Variants in CPEB3 observed in about 807,000 individuals in gnomAD.
CPEB3 encodes the protein cytoplasmic polyadenylation element-binding protein 3.
A neutral mutation model predicts 67.2 loss-of-function variants in CPEB3; 20 were observed. The observed-to-expected ratio is 0.30, with a 90% confidence interval of 0.21 to 0.43. CPEB3 has a LOEUF of 0.43. CPEB3 is among the 20% of genes least tolerant of loss of function. The probability of loss-of-function intolerance (pLI) is 1.00; values close to 1 mark genes in which losing one functional copy is unlikely to be tolerated. For synonymous variants in CPEB3, 376 were observed against 393.1 expected (o/e 0.96, Z 0.51); for missense variants, 746 against 968.6 (o/e 0.77, Z 3.05).
intron 9 of CPEB3, among the ~76,000 whole-genome samples, chr10:92,060,394 G>C (rs1214684909): frequency 2.0e-5 from 3 of 151,992 alleles, no homozygotes. Flanking sequence ...TTAAATCTAA[G>C]ACCTCAAACT....
rs1208251071 is a variant in CPEB3 at position 92,205,377 on chromosome 10, G to A, written c.1006-12741C>T. ...ACCCTGTGCTGATGAGTATCTCATTGGATTACCTCATTTAATTTTTATAAC... is the reference window on the plus strand; with the variant it reads ...ACCCTGTGCTGATGAGTATCTCATTAGATTACCTCATTTAATTTTTATAAC... On this transcript the variant is annotated intron_variant, in intron 2 of 9. Transcript: ENST00000265997. Among the ~76,000 whole-genome samples the A allele has an allele frequency of 2.6e-5, 4 of 151,574 alleles. No individual in the cohort carries two copies. The East Asian group carries it at 7.8e-4, about 29-fold the overall frequency.
At chr10:92,147,531 A>G (rs1298482152) in intron 4 of CPEB3, among the ~76,000 whole-genome samples, 1 of 152,190 alleles carries the variant, frequency 6.6e-6, no homozygotes, top group Non-Finnish European at 1.5e-5. Context: ...CTCAGTGGAA[A>G]ACACTTGAGG....
At chr10:92,218,077 G>A (rs1415064395) in intron 2 of CPEB3, among the ~76,000 whole-genome samples, 2 of 152,086 alleles carry the variant, frequency 1.3e-5, no homozygotes, top group Admixed American at 6.5e-5. Flanking sequence ...ACATCAGTAC[G>A]CTGCAGCCTG....
At chr10:92,091,620 G>A (rs1472637650) in intron 8 of CPEB3, among the ~76,000 whole-genome samples, 1 of 152,186 alleles carries the variant, frequency 6.6e-6, no homozygotes, top group African/African-American at 2.4e-5. Flanking sequence ...CAACATAACT[G>A]TTTAATGAAA....
intron 2 of CPEB3, chr10:92,216,852 G>A: frequency 1.3e-6 from 2 of 1,512,850 alleles, no homozygotes; most frequent in Non-Finnish European, 1.8e-6. Flanking sequence ...ACGGCAGGAC[G>A]ACTGGCTGTC....
intron 1 of CPEB3, among the ~76,000 whole-genome samples, chr10:92,245,119 C>T (rs1160177095): frequency 3.3e-5 from 5 of 151,052 alleles, no homozygotes; most frequent in Non-Finnish European, 5.9e-5. Context: ...CAAACAAAAA[C>T]CTAAGAAAAG....
intron 6 of CPEB3, among the ~76,000 whole-genome samples, chr10:92,118,443 T>C (rs935266761): frequency 6.6e-6 from 1 of 152,202 alleles, no homozygotes; most frequent in African/African-American, 2.4e-5. Context: ...GACATTGTTT[T>C]AATAGCAGTA....
intron 9 of CPEB3, among the ~76,000 whole-genome samples, chr10:92,076,523 G>C (rs1374394809): frequency 6.6e-6 from 1 of 152,048 alleles, no homozygotes; most frequent in Non-Finnish European, 1.5e-5. Flanking sequence ...TCCCTCCTCA[G>C]CCTCTCCCTA....
At chr10:92,219,093 TCATGCCCCAAGAGATTAAAAGATTCG>T (rs1361246600) in intron 2 of CPEB3, among the ~76,000 whole-genome samples, 1 of 152,186 alleles carries the variant, frequency 6.6e-6, no homozygotes, top group Non-Finnish European at 1.5e-5. Flanking sequence ...AATATTATGA[TCATGCCCCAAGAGATTAAAAGATTCG>T]GTTTTGAACT....
chr10:92,143,547 C>A lies in CPEB3; in HGVS notation c.1364-429G>T, dbSNP rs576312710. Among the ~76,000 whole-genome samples, 11 of 152,230 alleles carry A rather than the reference C, an allele frequency of 7.2e-5. No homozygotes were observed. The South Asian group carries it at 2.1e-3, about 29-fold the overall frequency. On this transcript the variant is annotated intron_variant, in intron 5 of 9. Transcript: ENST00000265997. ...GATTATTTAAGAAATAGATACGATT[C>A]TTTTGGTAAGGAGTAGGGGCAATAA...
At chr10:92,137,737 G>T (rs529903571) in intron 6 of CPEB3, 3 of 357,612 alleles carry the variant, frequency 8.4e-6, no homozygotes, top group South Asian at 3.6e-5. Flanking sequence ...AGTGGCTCAC[G>T]CCTGTAATCC....
chr10:92,283,688 C>A (rs11186895), intron 1 of CPEB3, among the ~76,000 whole-genome samples: 33,394 of 150,332 alleles, frequency 0.22, 4,649 homozygotes, highest in Middle Eastern at 0.33. Context: ...CCAGTTCCTA[C>A]AGAATGGGGT....
At chr10:92,256,963 AGTTT>A (rs1401020301) in intron 1 of CPEB3, among the ~76,000 whole-genome samples, 1 of 152,246 alleles carries the variant, frequency 6.6e-6, no homozygotes, top group Non-Finnish European at 1.5e-5. Flanking sequence ...ACTGGATAAA[AGTTT>A]GTTTATCAAA....
intron 4 of CPEB3, among the ~76,000 whole-genome samples, chr10:92,160,123 T>C (rs2133944099): frequency 6.6e-6 from 1 of 152,184 alleles, no homozygotes; most frequent in African/African-American, 2.4e-5. Context: ...ATTTTTGTAT[T>C]TTTAGTAGAG....
chr10:92,136,079 G>A (rs951071319), intron 6 of CPEB3, among the ~76,000 whole-genome samples: 4 of 151,926 alleles, frequency 2.6e-5, no homozygotes, highest in Admixed American at 2.6e-4. Context: ...GTTAATGGGT[G>A]CAGCAAACCA....
chr10:92,240,259 C>T lies in CPEB3; in HGVS notation c.92G>A (p.Ser31Asn). 1 of 1,516,818 alleles carries T rather than the reference C, an allele frequency of 6.6e-7. No individual in the cohort carries two copies. The highest frequency in any genetic ancestry group is 8.8e-7 in the Non-Finnish European group (1 of 1,131,218). 94.0% of individuals were successfully genotyped at this position (1,516,818 alleles called of 1,614,324 possible). A position where few individuals can be genotyped will look rare whatever the true frequency, so the allele number is the denominator to read the frequency against. The stretch of plus-strand genomic sequence containing the variant: ...GGGCGTGGACGGGGCTTCGGATACG[C>T]TGGACTCAGGTTGGGGCTGCTGCTG... ...RQQQQPQPES[S>N]VSEAPSTPLS... The change falls in exon 2 of 10, where the codon AGC becomes AAC. Residue 31 changes from serine to asparagine, a missense_variant. Physicochemically the swap from Ser to Asn is conservative, Grantham distance 46. Transcript: ENST00000265997.
chr10:92,077,006 C>G (rs1842962141), intron 9 of CPEB3, among the ~76,000 whole-genome samples: 1 of 152,100 alleles, frequency 6.6e-6, no homozygotes, highest in African/African-American at 2.4e-5. Context: ...ACTTTTAGCA[C>G]TGCAAGTTTC....
chr10:92,223,311 G>A (rs1850788525), intron 2 of CPEB3, among the ~76,000 whole-genome samples: 1 of 152,090 alleles, frequency 6.6e-6, no homozygotes, highest in Admixed American at 6.6e-5. Flanking sequence ...AGCATGGGTG[G>A]GTAAGAAATG....
intron 2 of CPEB3, among the ~76,000 whole-genome samples, chr10:92,213,880 T>C (rs186871462): frequency 2.6e-5 from 4 of 152,302 alleles, no homozygotes; most frequent in East Asian, 1.9e-4. Context: ...CCCTGCCATT[T>C]TGACTGCAAT....
Sources: allele counts gnomAD v4.1 joint callset (sites outside exome capture counted in the v4.1 genomes callset), GRCh38; gene constraint gnomAD v4.1.1; transcripts MANE v1.5; gene names NCBI Gene and HGNC (gene_info 2026-07-23, HGNC 2026-07-21).